PCDHA7: variants seen among roughly 807,000 people sequenced by gnomAD.
PCDHA7 encodes the protein protocadherin alpha 7.
PCDHA7 carries 37 observed loss-of-function variants against 57.2 expected under a neutral mutation model. That is an observed-to-expected ratio of 0.65 (90% confidence interval 0.50 to 0.85). The LOEUF (loss-of-function observed/expected upper bound fraction) is 0.85, where lower values mean the gene tolerates loss of function less well. PCDHA7 is among the 40% of genes least tolerant of loss of function. The pLI is 0.00. For missense variants in PCDHA7, 1,188 were observed against 1,241.8 expected (o/e 0.96, Z 0.65); for synonymous variants, 553 against 558.8 (o/e 0.99, Z 0.15).
rs377133743 is a variant in PCDHA7 at position 140,875,740 on chromosome 5, A to C, written c.2355+39002A>C. The C allele has an allele frequency of 2.1e-4, 339 of 1,614,222 alleles. No individual in the cohort carries two copies. The African/African-American group carries it at 4.0e-3, about 19-fold the overall frequency. On this transcript the variant is annotated intron_variant, in intron 1 of 3. Coordinates refer to ENST00000525929, the MANE Select transcript of PCDHA7 (RefSeq NM_018910.3). ...TGGCATTTTGTTTGTGAATTCTCGG[A>C]TCGACCGCGAGAAGCTGTGCGGGCG...
intron 1 of PCDHA7, among the ~76,000 whole-genome samples, chr5:140,879,240 C>T (rs1266442175): frequency 6.6e-6 from 1 of 152,134 alleles, no homozygotes; most frequent in Non-Finnish European, 1.5e-5. Flanking sequence ...ACAAGAGGCA[C>T]TGGCAAAGTA....
At chr5:140,852,855 T>C in intron 1 of PCDHA7, 1 of 964,490 alleles carries the variant, frequency 1.0e-6, no homozygotes, top group Non-Finnish European at 1.3e-6. Flanking sequence ...TTACTAAGCA[T>C]TTACTATGTC....
chr5:140,902,703 T>C (rs1451324920), intron 1 of PCDHA7, among the ~76,000 whole-genome samples: 1 of 152,166 alleles, frequency 6.6e-6, no homozygotes, highest in African/African-American at 2.4e-5. Flanking sequence ...GTCTTTTATC[T>C]TTCACTCCCC....
At position 140,977,800 on chromosome 5, in the gene PCDHA7, T is replaced by G. The variant is rs572772764; in HGVS notation, c.2356-1149T>G. On this transcript the variant is annotated intron_variant, in intron 1 of 3. Coordinates refer to ENST00000525929, the MANE Select transcript of PCDHA7 (RefSeq NM_018910.3). Reference sequence around the variant, plus strand: ...AAAGGAACTATATGAATGATAGGAATAAGAATTATTGACAGTTTTGAATGG... The same window carrying G: ...AAAGGAACTATATGAATGATAGGAAGAAGAATTATTGACAGTTTTGAATGG... Among the ~76,000 whole-genome samples, 3 of 152,356 alleles carry G rather than the reference T, an allele frequency of 2.0e-5. No individual in the cohort carries two copies. In the East Asian group the frequency reaches 5.8e-4, roughly 29 times the overall value.
intron 1 of PCDHA7, among the ~76,000 whole-genome samples, chr5:140,889,584 CT>C (rs1192659128): frequency 1.3e-5 from 2 of 151,792 alleles, no homozygotes; most frequent in Non-Finnish European, 2.9e-5. Context: ...TTTGTTTTTG[CT>C]TTGAAATATT....
chr5:140,841,155 C>T (rs1777049079), intron 1 of PCDHA7: 1 of 842,000 alleles, frequency 1.2e-6, no homozygotes, highest in South Asian at 1.9e-5. Context: ...TCGCTGTCTA[C>T]CAAGAAGTTC....
At chr5:140,928,696 C>A in intron 1 of PCDHA7, 2 of 1,614,146 alleles carry the variant, frequency 1.2e-6, no homozygotes, top group South Asian at 2.2e-5. Flanking sequence ...CCACATCTCC[C>A]GGGCGTCTGA....
chr5:140,916,084 C>T (rs1330761804), intron 1 of PCDHA7, among the ~76,000 whole-genome samples: 3 of 152,186 alleles, frequency 2.0e-5, no homozygotes, highest in Non-Finnish European at 4.4e-5. Flanking sequence ...TACCACTGGT[C>T]CACAGGGAAT....
At chr5:141,007,716 G>A (rs887681362) in intron 3 of PCDHA7, among the ~76,000 whole-genome samples, 4 of 152,246 alleles carry the variant, frequency 2.6e-5, no homozygotes, top group African/African-American at 4.8e-5. Context: ...CCCACCACCA[G>A]GGAGAACAAA....
chr5:140,998,809 C>T (rs782698811), intron 3 of PCDHA7, among the ~76,000 whole-genome samples: 14 of 152,212 alleles, frequency 9.2e-5, no homozygotes, highest in Non-Finnish European at 1.9e-4. Context: ...GGTGATCTGC[C>T]TGCCTTGGCC....
intron 3 of PCDHA7, among the ~76,000 whole-genome samples, chr5:140,987,781 A>G (rs2097267961): frequency 6.6e-6 from 1 of 152,208 alleles, no homozygotes; most frequent in East Asian, 1.9e-4. Context: ...AGAATCTGCT[A>G]TAGAGAAGAT....
At chr5:140,877,490 G>T (rs2057160256) in intron 1 of PCDHA7, 2 of 1,613,718 alleles carry the variant, frequency 1.2e-6, no homozygotes, top group Non-Finnish European at 1.7e-6. Flanking sequence ...GTGGAGAACG[G>T]CCAGGCCCCA....
At chr5:140,922,866 G>GA (rs557650266) in intron 1 of PCDHA7, among the ~76,000 whole-genome samples, 1 of 152,096 alleles carries the variant, frequency 6.6e-6, no homozygotes. Flanking sequence ...TAGACAAGGG[G>GA]AAAAAATCCA....
At position 140,849,809 on chromosome 5, in the gene PCDHA7, G is replaced by T. The variant is rs147465571; in HGVS notation, c.2355+13071G>T. 1.1e-3 allele frequency: 1,794 copies of T among 1,598,496 alleles called. 170 individuals are homozygous for T. The highest frequency in any genetic ancestry group is 1.4e-3 in the Non-Finnish European group (1,689 of 1,167,928). On this transcript the variant is annotated intron_variant, in intron 1 of 3. Transcript: ENST00000525929. ...GGGGCTCGCCTTCACTGTGGGCCACGGCCAGGGTGTCTGTGGAGGTGGCCG... is the reference window on the plus strand; with the variant it reads ...GGGGCTCGCCTTCACTGTGGGCCACTGCCAGGGTGTCTGTGGAGGTGGCCG...
Position 141,011,309 on chromosome 5 carries a change from A to G in PCDHA7, c.*1372A>G, listed in dbSNP as rs374038361. On this transcript the variant is annotated 3_prime_UTR_variant, in exon 4 of 4. Coordinates refer to ENST00000525929, the MANE Select transcript of PCDHA7 (RefSeq NM_018910.3). ...CTTTTCTATAACACTCTGAATTGCTAATCTTACTAACACCTATGATGTTAC... is the reference window on the plus strand; with the variant it reads ...CTTTTCTATAACACTCTGAATTGCTGATCTTACTAACACCTATGATGTTAC... 9.8e-5 allele frequency: 15 copies of G among 153,742 alleles called. No homozygotes were observed. The highest frequency in any genetic ancestry group is 1.9e-4 in the Non-Finnish European group (13 of 68,036). 9.5% of individuals were successfully genotyped at this position (153,742 alleles called of 1,614,324 possible). A position where few individuals can be genotyped will look rare whatever the true frequency, so the allele number is the denominator to read the frequency against.
intron 1 of PCDHA7, among the ~76,000 whole-genome samples, chr5:140,886,744 TG>T (rs2061111877): frequency 6.6e-6 from 1 of 150,996 alleles, no homozygotes. Flanking sequence ...GAGAATTGCT[TG>T]AACCCGGGAG....
intron 1 of PCDHA7, chr5:140,843,550 T>C (rs1554140221): frequency 6.3e-7 from 1 of 1,595,798 alleles, no homozygotes; most frequent in African/African-American, 1.3e-5. Flanking sequence ...TGTGCTCCAG[T>C]GCGGTGGGGA....
chr5:140,993,238 T>A (rs896841031), intron 3 of PCDHA7, among the ~76,000 whole-genome samples: 1 of 152,182 alleles, frequency 6.6e-6, no homozygotes, highest in African/African-American at 2.4e-5. Context: ...TCTCTGAATC[T>A]GGGGATTTAG....
chr5:140,853,370 G>T lies in PCDHA7; in HGVS notation c.2355+16632G>T, dbSNP rs1365315114. On this transcript the variant is annotated intron_variant, in intron 1 of 3. Coordinates refer to ENST00000525929, the MANE Select transcript of PCDHA7 (RefSeq NM_018910.3). ...CATGAACTCACAGGGATCCAGAGAT[G>T]GTAAAATTCAAAACAGCCTGTCAAG... 3 of 983,178 alleles carry T rather than the reference G, an allele frequency of 3.1e-6. 1 individual carries two copies. The highest frequency in any genetic ancestry group is 3.7e-6 in the Non-Finnish European group (3 of 815,894). The allele number at this position is 983,178 out of a possible 1,614,324, so 60.9% of individuals were successfully genotyped here. A position where few individuals can be genotyped will look rare whatever the true frequency, so the allele number is the denominator to read the frequency against.
Sources: allele counts gnomAD v4.1 joint callset (sites outside exome capture counted in the v4.1 genomes callset), GRCh38; gene constraint gnomAD v4.1.1; transcripts MANE v1.5; gene names NCBI Gene and HGNC (gene_info 2026-07-23, HGNC 2026-07-21).